The following L3MBTL2 variants were observed in gnomAD, a reference collection of about 807,000 sequenced individuals.
L3MBTL2 encodes the protein lethal(3)malignant brain tumor-like protein 2.
Under a neutral mutation model 86.4 loss-of-function variants are expected in L3MBTL2, and 49 were observed. That is an observed-to-expected ratio of 0.57 (90% CI 0.45 to 0.72). The LOEUF is 0.72. Ranked by LOEUF, L3MBTL2 falls within the 30% of genes least tolerant of loss-of-function variation. The probability of loss-of-function intolerance (pLI) is 0.00; values close to 1 mark genes in which losing one functional copy is unlikely to be tolerated. For missense variants in L3MBTL2, 755 were observed against 923.7 expected (o/e 0.82, Z 2.37); for synonymous variants, 336 against 350.6 (o/e 0.96, Z 0.47).
chr22:41,211,573 T>TTTTTTTTTTTTTTTTTC lies in L3MBTL2; in HGVS notation c.262+1641_262+1642insTTTTTTTTTTTTTTTCT, dbSNP rs758875511. Among the ~76,000 whole-genome samples the TTTTTTTTTTTTTTTTTC allele has an allele frequency of 1.6e-3, 226 of 139,510 alleles. 8 individuals are homozygous for TTTTTTTTTTTTTTTTTC. Among genetic ancestry groups the TTTTTTTTTTTTTTTTTC allele is most frequent in the South Asian group, 2.3e-3 (10 of 4,386 alleles). The allele number at this position is 139,510 out of a possible 152,430, so 91.5% of individuals were successfully genotyped here. ...TCTTATTTCCTTTTTTTTTTTTTTT[T>TTTTTTTTTTTTTTTTTC]TGAGACGGAGTCTTGCTCTGTCACC... is the stretch of plus-strand genomic sequence containing the variant. On this transcript the variant is annotated intron_variant, in intron 2 of 16. Coordinates refer to ENST00000216237, the MANE Select transcript of L3MBTL2 (RefSeq NM_031488.5).
chr22:41,221,132 C>T (rs961995017), intron 7 of L3MBTL2, 67 bp from the exon 8 acceptor site: 4 of 1,406,228 alleles, frequency 2.8e-6, no homozygotes, highest in Admixed American at 2.3e-5. Flanking sequence ...TCTGGGTCGG[C>T]GCTAGCGCCC....
At chr22:41,221,398 C>A in intron 8 of L3MBTL2, 111 bp downstream of exon 8, 1 of 877,756 alleles carries the variant, frequency 1.1e-6, no homozygotes, top group South Asian at 1.5e-5. Context: ...TGATGATCTT[C>A]AGCAGCTCCA....
At chr22:41,220,280 T>G (rs5758264) in intron 6 of L3MBTL2, among the ~76,000 whole-genome samples, 48,960 of 152,094 alleles carry the variant, frequency 0.32, 8,131 homozygotes, top group Admixed American at 0.43. Flanking sequence ...CTTTCCGAAC[T>G]AGGAGCATGA....
At chr22:41,226,990 G>A (rs1295342198) in intron 13 of L3MBTL2, 99 bp from the exon 14 acceptor site, 30 of 1,069,296 alleles carry the variant, frequency 2.8e-5, no homozygotes, top group Non-Finnish European at 4.0e-5. Context: ...TCCAGTCCCC[G>A]CCCCTCCCTG....
At chr22:41,220,984 T>G (rs533271750) in intron 7 of L3MBTL2, 116 bp downstream of exon 7, 1 of 1,269,548 alleles carries the variant, frequency 7.9e-7, no homozygotes, top group Admixed American at 2.5e-5. Context: ...CAGAATCCAC[T>G]TGCCCCCTGG....
At position 41,211,557 on chromosome 22, in the gene L3MBTL2, C is replaced by CTTTCTTTTTTT. The variant is rs1039028243; in HGVS notation, c.262+1627_262+1628insCTTTTTTTTTT. ...ACTCTTTGCAGTTGAATCTTATTTC[C>CTTTCTTTTTTT]TTTTTTTTTTTTTTTTTGAGACGGA... is the stretch of plus-strand genomic sequence containing the variant. On this transcript the variant is annotated intron_variant, in intron 2 of 16. Coordinates refer to ENST00000216237, the MANE Select transcript of L3MBTL2 (RefSeq NM_031488.5). Among the ~76,000 whole-genome samples, 23 of 97,356 alleles carry CTTTCTTTTTTT rather than the reference C, an allele frequency of 2.4e-4. 2 individuals are homozygous for CTTTCTTTTTTT. Among genetic ancestry groups the CTTTCTTTTTTT allele is most frequent in the South Asian group, 6.7e-4 (2 of 2,966 alleles). 63.9% of individuals were successfully genotyped at this position (97,356 alleles called of 152,430 possible).
chr22:41,211,880 T>TTTTC, intron 2 of L3MBTL2, among the ~76,000 whole-genome samples: 1 of 96,864 alleles, frequency 1.0e-5, no homozygotes, highest in Non-Finnish European at 2.2e-5. Flanking sequence ...TTTTTTTTTT[T>TTTTC]TGAAACAGAG....
At position 41,229,628 on chromosome 22, in the gene L3MBTL2, G is replaced by T; in HGVS notation, c.1977G>T (p.Lys659Asn). Residue 659 changes from lysine to asparagine, a missense_variant, in exon 16 of 17, where the codon AAG becomes AAT. Physicochemically the swap from Lys to Asn is moderately conservative, Grantham distance 94 (BLOSUM62 0). Around this residue, in one of 3 missense-constraint regions of L3MBTL2, gnomAD observed 634 missense variants for 748.9 expected, o/e 0.85. Coordinates refer to ENST00000216237, the MANE Select transcript of L3MBTL2 (RefSeq NM_031488.5). The part of the protein sequence containing the change: ...LLEDDPQGAR[K>N]ISSEPVPGEI... Reference sequence around the variant, plus strand: ...AGGACGACCCTCAGGGTGCCAGGAAGATCTCGTCGGAGCCTGTTCCTGGCG... The same window carrying T: ...AGGACGACCCTCAGGGTGCCAGGAATATCTCGTCGGAGCCTGTTCCTGGCG... 6.2e-7 allele frequency: 1 copy of T among 1,613,802 alleles called. No individual in the cohort carries two copies. Among genetic ancestry groups the T allele is most frequent in the Non-Finnish European group, 8.5e-7 (1 of 1,179,988 alleles).
chr22:41,228,295 G>C (rs1298604922), intron 15 of L3MBTL2: 1 of 985,350 alleles, frequency 1.0e-6, no homozygotes. Flanking sequence ...TTTGAGGGTG[G>C]GAGAGGGTGG....
Position 41,224,754 on chromosome 22 carries a change from A to G in L3MBTL2, c.1204A>G (p.Thr402Ala). The change falls in exon 10 of 17, where the codon ACC becomes GCC. Residue 402 changes from threonine to alanine, a missense_variant. By Grantham distance (58) the Thr-to-Ala change is moderately conservative. Around this residue, in one of 3 missense-constraint regions of L3MBTL2, gnomAD observed 634 missense variants for 748.9 expected, o/e 0.85. Coordinates refer to ENST00000216237, the MANE Select transcript of L3MBTL2 (RefSeq NM_031488.5). The surrounding 1 kb of genome is among the most constrained non-coding windows in gnomAD (Gnocchi z 4.9). ...ERRSDMAHHP[T>A]FRKIYCDAVP... ...GCGAAGTGACATGGCCCATCACCCC[A>G]CCTTCCGGAAGATCTACTGTGATGC... 3 of 1,613,906 alleles carry G rather than the reference A, an allele frequency of 1.9e-6. No individual in the cohort carries two copies. Among genetic ancestry groups the G allele is most frequent in the South Asian group, 1.1e-5 (1 of 91,070 alleles).
At chr22:41,221,835 C>G (rs1302428385) in intron 8 of L3MBTL2, among the ~76,000 whole-genome samples, 11 of 151,976 alleles carry the variant, frequency 7.2e-5, no homozygotes, top group Admixed American at 7.2e-4. Flanking sequence ...AATCTCCTGA[C>G]CTCGTGATCC....
rs1417081054 is a variant in L3MBTL2, at chr22:41,231,182, CAG to C, written c.*934_*935del. ...CACAGAACCCTCAAGACAAGGATGACAGAGCTGGAGGACACATCTAGCTGCCA... is the reference window on the plus strand; with the variant it reads ...CACAGAACCCTCAAGACAAGGATGACAGCTGGAGGACACATCTAGCTGCCA... On this transcript the variant is annotated 3_prime_UTR_variant, in exon 17 of 17. Transcript: ENST00000216237. 6 of 152,196 alleles carry C rather than the reference CAG, an allele frequency of 3.9e-5. No homozygotes were observed. The allele number at this position is 152,196 out of a possible 1,614,324, so 9.4% of individuals were successfully genotyped here.
In L3MBTL2 at chr22:41,224,773, G is replaced by C. The variant is rs1417295274; in HGVS notation, c.1223G>C (p.Cys408Ser). ...AHHPTFRKIYCDAVPYLFKKV... is the reference protein window; with the variant it reads ...AHHPTFRKIYSDAVPYLFKKV... ...CACCCCACCTTCCGGAAGATCTACT[G>C]TGATGCCGTTCCTTACCTCTTCAAG... The change falls in exon 10 of 17, where the codon TGT (cysteine) becomes TCT (serine). Residue 408 changes from cysteine (C) to serine (S), a missense_variant. Transcript: ENST00000216237. The surrounding 1 kb of genome is among the most constrained non-coding windows in gnomAD (Gnocchi z 4.9). 6.2e-7 allele frequency: 1 copy of C among 1,613,892 alleles called. No homozygotes were observed. The highest frequency in any genetic ancestry group is 8.5e-7 in the Non-Finnish European group (1 of 1,179,904).
At chr22:41,211,231 C>G (rs942010927) in intron 2 of L3MBTL2, among the ~76,000 whole-genome samples, 5 of 152,136 alleles carry the variant, frequency 3.3e-5, no homozygotes, top group African/African-American at 1.2e-4. Flanking sequence ...GGCAGGGTCT[C>G]ACTCTGTCAC....
Position 41,221,282 on chromosome 22 carries a change from A to C in L3MBTL2, c.937A>C (p.Ile313Leu), listed in dbSNP as rs2031799553. The C allele has an allele frequency of 6.4e-7, 1 of 1,551,636 alleles. No individual in the cohort carries two copies. Among genetic ancestry groups the C allele is most frequent in the African/African-American group, 1.4e-5 (1 of 73,200 alleles). The change falls in exon 8 of 17, where the codon ATC becomes CTC. Residue 313 changes from isoleucine to leucine, a missense_variant. By Grantham distance (5) the Ile-to-Leu change is conservative. Around this residue, in one of 3 missense-constraint regions of L3MBTL2, gnomAD observed 634 missense variants for 748.9 expected, o/e 0.85. Coordinates refer to ENST00000216237, the MANE Select transcript of L3MBTL2 (RefSeq NM_031488.5). ...GSRTLPVDFHIKMVESMKYPF... is the reference protein window; with the variant it reads ...GSRTLPVDFHLKMVESMKYPF... ...CAGGACGCTTCCCGTGGATTTCCAC[A>C]TCAAGGTCGGCAGTGAGCCCTTAAC...
At chr22:41,219,658 T>C (rs1157790868) in intron 6 of L3MBTL2, 122 bp downstream of exon 6, 1 of 668,476 alleles carries the variant, frequency 1.5e-6, no homozygotes, top group African/African-American at 1.8e-5. Flanking sequence ...CTGGAATTTT[T>C]GCCCCACTTC....
At chr22:41,221,494 A>C in intron 8 of L3MBTL2, 2 of 568,808 alleles carry the variant, frequency 3.5e-6, no homozygotes, top group Non-Finnish European at 6.4e-6. Context: ...CCCCACCCAG[A>C]CTCTGCTCCT....
rs145649779 is a variant in L3MBTL2 at position 41,230,221 on chromosome 22, C to G, written c.2088C>G (p.Val696=). 4 of 1,613,676 alleles carry G rather than the reference C, an allele frequency of 2.5e-6. No homozygotes were observed. Among genetic ancestry groups the G allele is most frequent in the Non-Finnish European group, 2.5e-6 (3 of 1,179,972 alleles). The change falls in exon 17 of 17, where the codon GTC becomes GTG. Residue 696 remains valine, a synonymous_variant. Coordinates refer to ENST00000216237, the MANE Select transcript of L3MBTL2 (RefSeq NM_031488.5). ...CAAGTCCAGAGCTGCCTGTCTCCGT[C>G]GAGAACATCAAGCAGGAAACAGACG... The part of the protein sequence containing the change: ...KASSPELPVS[V]ENIKQETDD
chr22:41,224,104 G>T lies in L3MBTL2; in HGVS notation c.1027G>T (p.Ala343Ser). The change falls in exon 9 of 17, where the codon GCT (alanine) becomes TCT (serine). Residue 343 changes from alanine (A) to serine (S), a missense_variant. Ala to Ser is a moderately conservative substitution (Grantham distance 99). This residue lies in a region of L3MBTL2 where 634 missense variants were observed against 748.9 expected (regional missense o/e 0.85). Transcript: ENST00000216237. The surrounding 1 kb of genome is among the most constrained non-coding windows in gnomAD (Gnocchi z 4.9). ...GTCCCAGGTGTCACGCACTCGCATG[G>T]CTGTGGTGGACACAGTAATCGGGGG... ...DKSQVSRTRM[A>S]VVDTVIGGRL... 1.9e-6 allele frequency: 3 copies of T among 1,614,174 alleles called. No homozygotes were observed. The highest frequency in any genetic ancestry group is 2.5e-6 in the Non-Finnish European group (3 of 1,180,020).
Sources: gnomAD v4.1 joint callset for allele counts (sites outside exome capture counted in the v4.1 genomes callset) on GRCh38, gnomAD v4.1.1 for gene constraint, gnomAD v4.1.1 regional missense constraint, Gnocchi (gnomAD v3.1) non-coding constraint, MANE v1.5 for transcripts, NCBI Gene and HGNC (gene_info 2026-07-23, HGNC 2026-07-21) for gene names.